Variants in PRMT3 observed in about 807,000 individuals in gnomAD.
The protein encoded by PRMT3 is protein arginine methyltransferase 3.
A neutral mutation model predicts 71.9 loss-of-function variants in PRMT3; 62 were observed. The observed-to-expected ratio is 0.86, with a 90% CI of 0.70 to 1.07. PRMT3 has a LOEUF of 1.07. PRMT3 is among the 50% of genes least tolerant of loss of function. PRMT3 has a pLI of 0.00. For synonymous variants in PRMT3, 213 were observed against 220.4 expected (o/e 0.97, Z 0.30); for missense variants, 663 against 643.0 (o/e 1.03, Z -0.34).
intron 13 of PRMT3, among the ~76,000 whole-genome samples, chr11:20,490,773 T>C (rs1851187069): frequency 6.6e-6 from 1 of 151,244 alleles, no homozygotes; most frequent in Non-Finnish European, 1.5e-5. Flanking sequence ...ACTAAAAATT[T>C]TGAAAACAAA....
Position 20,392,497 on chromosome 11 carries a change from A to G in PRMT3, c.297+237A>G, listed in dbSNP as rs543723740. Among the ~76,000 whole-genome samples, 1,068 of 152,352 alleles carry G rather than the reference A, an allele frequency of 7.0e-3. 16 individuals are homozygous for G. The highest frequency in any genetic ancestry group is 0.024 in the African/African-American group (1,013 of 41,582). ...AAGAGATGAATCGGTGTATGTGAAAAAGTAATTCAGTGTCAAATAAAGGGA... is the reference window on the plus strand; with the variant it reads ...AAGAGATGAATCGGTGTATGTGAAAGAGTAATTCAGTGTCAAATAAAGGGA... On this transcript the variant is annotated intron_variant, in intron 4 of 15. Coordinates refer to ENST00000331079, the MANE Select transcript of PRMT3 (RefSeq NM_005788.4).
intron 13 of PRMT3, among the ~76,000 whole-genome samples, chr11:20,467,602 A>G (rs1271919750): frequency 9.0e-6 from 1 of 110,768 alleles, no homozygotes; most frequent in Non-Finnish European, 1.9e-5. Flanking sequence ...GAAAGAGAAT[A>G]TGTATAATCA....
chr11:20,401,544 TA>T (rs1001819819), intron 7 of PRMT3, among the ~76,000 whole-genome samples: 13 of 151,042 alleles, frequency 8.6e-5, no homozygotes, highest in South Asian at 2.1e-4. Context: ...TTTTATGCAT[TA>T]AAAAAAAACT....
At chr11:20,507,265 G>C (rs1165915343) in intron 15 of PRMT3, among the ~76,000 whole-genome samples, 2 of 152,164 alleles carry the variant, frequency 1.3e-5, no homozygotes, top group Non-Finnish European at 2.9e-5. Context: ...TGCCTATTGT[G>C]TAATTGTTAG....
chr11:20,408,208 G>A (rs1304952655), intron 9 of PRMT3, among the ~76,000 whole-genome samples, 176 bp downstream of exon 9: 1 of 152,006 alleles, frequency 6.6e-6, no homozygotes, highest in Non-Finnish European at 1.5e-5. Flanking sequence ...TTTGAGCTAT[G>A]CTGCTGAATA....
chr11:20,507,774 T>C (rs961317801), intron 15 of PRMT3, among the ~76,000 whole-genome samples: 1 of 84,966 alleles, frequency 1.2e-5, no homozygotes, highest in African/African-American at 3.9e-5. Context: ...AGAGAGACTG[T>C]CTTAAAAAAA....
chr11:20,443,325 T>G (rs958451987), intron 10 of PRMT3, among the ~76,000 whole-genome samples: 2 of 152,206 alleles, frequency 1.3e-5, no homozygotes, highest in Non-Finnish European at 2.9e-5. Flanking sequence ...GATGAGACTG[T>G]AAATTCACAT....
chr11:20,440,188 C>G (rs1849854014), intron 10 of PRMT3, among the ~76,000 whole-genome samples: 1 of 152,070 alleles, frequency 6.6e-6, no homozygotes, highest in Non-Finnish European at 1.5e-5. Context: ...TTAGTCAAAA[C>G]CCCCAAAATA....
intron 13 of PRMT3, among the ~76,000 whole-genome samples, chr11:20,480,457 A>C (rs1465704685): frequency 6.6e-6 from 1 of 152,184 alleles, no homozygotes; most frequent in Non-Finnish European, 1.5e-5. Flanking sequence ...AGTTGAAAGA[A>C]GCCTAGGATG....
chr11:20,504,392 T>C (rs938411383), intron 15 of PRMT3, among the ~76,000 whole-genome samples: 15 of 152,146 alleles, frequency 9.9e-5, no homozygotes, highest in Admixed American at 2.6e-4. Flanking sequence ...CTTTATAAGA[T>C]TGAAAAAGAA....
chr11:20,423,886 A>G (rs1479204826), intron 9 of PRMT3, among the ~76,000 whole-genome samples: 1 of 137,526 alleles, frequency 7.3e-6, no homozygotes, highest in East Asian at 2.0e-4. Flanking sequence ...AAAAAAAAAA[A>G]AAAAAAAAAA....
At chr11:20,417,516 ATCT>A (rs1849333546) in intron 9 of PRMT3, among the ~76,000 whole-genome samples, 1 of 152,180 alleles carries the variant, frequency 6.6e-6, no homozygotes, top group African/African-American at 2.4e-5. Flanking sequence ...CCACTAGACC[ATCT>A]TCTTCTTAGA....
chr11:20,488,791 A>T (rs1258183164), intron 13 of PRMT3, among the ~76,000 whole-genome samples: 1 of 152,170 alleles, frequency 6.6e-6, no homozygotes, highest in African/African-American at 2.4e-5. Flanking sequence ...ATACCTGAGA[A>T]AGTCATTTTT....
At chr11:20,497,529 TTTG>T (rs1851360595) in intron 15 of PRMT3, among the ~76,000 whole-genome samples, 1 of 151,984 alleles carries the variant, frequency 6.6e-6, no homozygotes, top group Admixed American at 6.6e-5. Flanking sequence ...GTTAACACTT[TTTG>T]TTGTTCTGAA....
intron 13 of PRMT3, among the ~76,000 whole-genome samples, chr11:20,477,717 CTGGAATAGCAGATAA>C (rs1184315142): frequency 6.6e-6 from 1 of 151,804 alleles, no homozygotes; most frequent in African/African-American, 2.4e-5. Flanking sequence ...GCAGTAGCTT[CTGGAATAGCAGATAA>C]TTGAATAGTA....
At chr11:20,440,147 G>A (rs1341436150) in intron 10 of PRMT3, among the ~76,000 whole-genome samples, 2 of 152,146 alleles carry the variant, frequency 1.3e-5, no homozygotes, top group Non-Finnish European at 2.9e-5. Context: ...AATAAAAGGG[G>A]ATATATTTAT....
intron 8 of PRMT3, among the ~76,000 whole-genome samples, chr11:20,403,810 T>G (rs1365140618): frequency 6.6e-6 from 1 of 152,222 alleles, no homozygotes; most frequent in East Asian, 1.9e-4. Flanking sequence ...ATTGATAATG[T>G]ATCAGGTTGT....
chr11:20,388,070 G>T lies in PRMT3; in HGVS notation c.80G>T (p.Ser27Ile). The change falls in exon 2 of 16, where the codon AGC (serine) becomes ATC (isoleucine). Residue 27 changes from serine to isoleucine, a missense_variant. Physicochemically the swap from Ser to Ile is moderately radical, Grantham distance 142. Transcript: ENST00000331079. The part of the protein sequence containing the change: ...NEEDLPELSD[S>I]GDEAAWEDED... ...GAGGACCTGCCAGAACTGTCGGACA[G>T]CGGGGACGAGGCCGCCTGGGAGGAT... The T allele has an allele frequency of 6.2e-7, 1 of 1,614,090 alleles. No homozygotes were observed. The highest frequency in any genetic ancestry group is 1.3e-5 in the African/African-American group (1 of 75,058).
chr11:20,455,386 G>C (rs1186688401), intron 11 of PRMT3, among the ~76,000 whole-genome samples: 1 of 152,056 alleles, frequency 6.6e-6, no homozygotes, highest in Admixed American at 6.5e-5. Flanking sequence ...AGTACATTTA[G>C]CACTACGAAG....
Sources: gnomAD v4.1 joint callset for allele counts (sites outside exome capture counted in the v4.1 genomes callset) on GRCh38, gnomAD v4.1.1 for gene constraint, MANE v1.5 for transcripts, NCBI Gene and HGNC (gene_info 2026-07-23, HGNC 2026-07-21) for gene names.